MGMT: variants seen among roughly 807,000 people sequenced by gnomAD.
The protein encoded by MGMT is methylated-DNA--protein-cysteine methyltransferase.
Under a neutral mutation model 15.9 loss-of-function variants are expected in MGMT, and 14 were observed. The ratio of observed to expected loss-of-function variants is 0.88; its 90% CI spans 0.58 to 1.37. The LOEUF is 1.37. Among genes scored for constraint, MGMT ranks in the 40% most tolerant of loss-of-function variants. The pLI is 0.00. For synonymous variants in MGMT, 130 were observed against 118.2 expected (o/e 1.10, Z -0.65); for missense variants, 282 against 268.1 (o/e 1.05, Z -0.36).
At chr10:129,491,780 G>A (rs540717500) in intron 1 of MGMT, among the ~76,000 whole-genome samples, 6 of 151,900 alleles carry the variant, frequency 3.9e-5, no homozygotes, top group African/African-American at 9.7e-5. Flanking sequence ...TAGAATGCCC[G>A]TTTTGTACTT....
At chr10:129,705,489 A>G (rs891682795) in intron 2 of MGMT, among the ~76,000 whole-genome samples, 1 of 152,240 alleles carries the variant, frequency 6.6e-6, no homozygotes, top group Non-Finnish European at 1.5e-5. Context: ...CTTTAACTGC[A>G]TAAGAGAGGA....
intron 2 of MGMT, among the ~76,000 whole-genome samples, chr10:129,704,668 T>C (rs1848138591): frequency 6.6e-6 from 1 of 152,052 alleles, no homozygotes; most frequent in Non-Finnish European, 1.5e-5. Flanking sequence ...ATTCTCTGGC[T>C]CCTTCCTTAA....
chr10:129,666,299 A>G (rs1339099846), intron 2 of MGMT, among the ~76,000 whole-genome samples: 1 of 152,180 alleles, frequency 6.6e-6, no homozygotes, highest in Non-Finnish European at 1.5e-5. Context: ...AAATCCAGTT[A>G]CAGTTTTGAT....
At chr10:129,622,201 T>A (rs1847098464) in intron 2 of MGMT, among the ~76,000 whole-genome samples, 1 of 152,368 alleles carries the variant, frequency 6.6e-6, no homozygotes, top group East Asian at 1.9e-4. Flanking sequence ...CTGATTGGTA[T>A]GACCTGAATC....
intron 2 of MGMT, among the ~76,000 whole-genome samples, chr10:129,615,686 T>C (rs897878307): frequency 1.3e-5 from 2 of 151,864 alleles, no homozygotes; most frequent in African/African-American, 4.8e-5. Context: ...GAGGCTGCCG[T>C]GCGGGTGTGG....
At chr10:129,524,880 G>A (rs1206906383) in intron 1 of MGMT, among the ~76,000 whole-genome samples, 4 of 152,034 alleles carry the variant, frequency 2.6e-5, no homozygotes, top group Non-Finnish European at 5.9e-5. Context: ...GTGAGCCACC[G>A]CACCCGGCCC....
At chr10:129,656,921 T>C (rs1269230186) in intron 2 of MGMT, among the ~76,000 whole-genome samples, 1 of 151,974 alleles carries the variant, frequency 6.6e-6, no homozygotes, top group Non-Finnish European at 1.5e-5. Context: ...TCCACACGTC[T>C]CAGACCCAAC....
At chr10:129,624,880 A>G (rs2133078208) in intron 2 of MGMT, among the ~76,000 whole-genome samples, 1 of 152,326 alleles carries the variant, frequency 6.6e-6, no homozygotes, top group East Asian at 1.9e-4. Context: ...TAAACGTGAC[A>G]AAGTAGATAT....
intron 2 of MGMT, among the ~76,000 whole-genome samples, chr10:129,615,651 T>C (rs532391587): frequency 1.0e-3 from 155 of 152,212 alleles, no homozygotes; most frequent in African/African-American, 3.7e-3. Flanking sequence ...AGGTTTTGGT[T>C]GGCGTGGATG....
chr10:129,592,777 A>C (rs1047801257), intron 2 of MGMT, among the ~76,000 whole-genome samples: 2 of 151,862 alleles, frequency 1.3e-5, no homozygotes, highest in Admixed American at 6.6e-5. Flanking sequence ...TCAAAAATGT[A>C]AACCAGTGCA....
chr10:129,717,415 C>G (rs1848312129), intron 3 of MGMT, among the ~76,000 whole-genome samples: 1 of 152,144 alleles, frequency 6.6e-6, no homozygotes, highest in Admixed American at 6.5e-5. Flanking sequence ...GGTATTGGAA[C>G]AGAAATAGTG....
intron 3 of MGMT, among the ~76,000 whole-genome samples, chr10:129,711,218 T>G (rs1412351652): frequency 6.6e-6 from 1 of 152,258 alleles, no homozygotes; most frequent in African/African-American, 2.4e-5. Context: ...GTTTGTGATT[T>G]GCTTTTTAAG....
At chr10:129,692,123 A>G (rs1029025378) in intron 2 of MGMT, among the ~76,000 whole-genome samples, 8 of 152,178 alleles carry the variant, frequency 5.3e-5, no homozygotes, top group Admixed American at 5.2e-4. Flanking sequence ...CTTTGATACC[A>G]CCCAAATATA....
Position 129,655,742 on chromosome 10 carries a change from G to T in MGMT, c.126-52153G>T, listed in dbSNP as rs576633315. Among the ~76,000 whole-genome samples the T allele has an allele frequency of 3.3e-5, 5 of 152,302 alleles. No individual in the cohort carries two copies. The South Asian group carries it at 1.0e-3, about 32-fold the overall frequency. On this transcript the variant is annotated intron_variant, in intron 2 of 4. Coordinates refer to ENST00000651593, the MANE Select transcript of MGMT (RefSeq NM_002412.5). ...CAGTATAGCTGTGGGTTGTCGTTAC[G>T]TGAGCAGGAGGGAATTTCACTTTGG...
rs1848963289 is a variant in MGMT, at chr10:129,768,443, A to G, written c.*1446A>G. 6.6e-6 allele frequency among the ~76,000 whole-genome samples: 1 copy of G among 152,246 alleles called. No individual in the cohort carries two copies. The highest frequency in any genetic ancestry group is 2.1e-4 in the South Asian group (1 of 4,836). ...GGCCCTGGGCCTCCTTGCTCCTGGCAGGCCTCAGGTGCCGCACGCCGCGTC... is the reference window on the plus strand; with the variant it reads ...GGCCCTGGGCCTCCTTGCTCCTGGCGGGCCTCAGGTGCCGCACGCCGCGTC... On this transcript the variant is annotated 3_prime_UTR_variant, in exon 5 of 5. Transcript: ENST00000651593.
intron 1 of MGMT, among the ~76,000 whole-genome samples, chr10:129,471,529 C>T (rs1845231112): frequency 2.0e-5 from 3 of 152,090 alleles, no homozygotes; most frequent in African/African-American, 2.4e-5. Context: ...TACTGGAATG[C>T]GATTCCAGCA....
At chr10:129,612,370 G>A (rs937540237) in intron 2 of MGMT, among the ~76,000 whole-genome samples, 5 of 152,216 alleles carry the variant, frequency 3.3e-5, no homozygotes, top group Non-Finnish European at 7.3e-5. Context: ...CCCACTTCCC[G>A]TCATGCCTGA....
chr10:129,558,721 C>T (rs1846243899), intron 2 of MGMT, among the ~76,000 whole-genome samples: 1 of 152,328 alleles, frequency 6.6e-6, no homozygotes, highest in African/African-American at 2.4e-5. Flanking sequence ...TTGGAGAGTA[C>T]TTGCAGGCAG....
chr10:129,615,867 AG>A (rs926368972), intron 2 of MGMT, among the ~76,000 whole-genome samples: 4 of 152,150 alleles, frequency 2.6e-5, no homozygotes, highest in South Asian at 4.1e-4. Context: ...TGCCCACGGC[AG>A]GGGGTGTGGC....
Sources: gnomAD v4.1 joint callset for allele counts (sites outside exome capture counted in the v4.1 genomes callset) on GRCh38, gnomAD v4.1.1 for gene constraint, MANE v1.5 for transcripts, NCBI Gene and HGNC (gene_info 2026-07-23, HGNC 2026-07-21) for gene names.